The following RNF217 variants were observed in gnomAD, a reference collection of about 807,000 sequenced individuals.
RNF217 encodes ring finger protein 217.
A neutral mutation model predicts 57.8 loss-of-function variants in RNF217; 31 were observed. The observed-to-expected ratio is 0.54, with a 90% CI of 0.40 to 0.72. RNF217 has a LOEUF of 0.72. RNF217 is among the 30% of genes least tolerant of loss of function. The probability of loss-of-function intolerance (pLI) is 0.00; values close to 1 mark genes in which losing one functional copy is unlikely to be tolerated. For synonymous variants in RNF217, 313 were observed against 294.0 expected (o/e 1.06, Z -0.66); for missense variants, 696 against 708.3 (o/e 0.98, Z 0.20).
chr6:125,040,951 A>G (rs999067092), intron 1 of RNF217, among the ~76,000 whole-genome samples: 3 of 152,096 alleles, frequency 2.0e-5, no homozygotes, highest in African/African-American at 7.2e-5. Flanking sequence ...TCTCAAAATA[A>G]TAAGAGCTGT....
intron 2 of RNF217, among the ~76,000 whole-genome samples, chr6:125,046,986 T>C (rs527799953): frequency 6.6e-6 from 1 of 152,236 alleles, no homozygotes; most frequent in South Asian, 2.1e-4. Flanking sequence ...TACAGTGGTG[T>C]TGAAGGCTAA....
chr6:125,064,945 C>T (rs890392855), intron 3 of RNF217, among the ~76,000 whole-genome samples: 1 of 151,726 alleles, frequency 6.6e-6, no homozygotes, highest in Non-Finnish European at 1.5e-5. Flanking sequence ...TGAATATAAC[C>T]AATCTCATCA....
At position 125,058,036 on chromosome 6, in the gene RNF217, A is replaced by G; in HGVS notation, c.1211A>G (p.Lys404Arg). The G allele has an allele frequency of 6.2e-7, 1 of 1,613,596 alleles. No individual in the cohort carries two copies. Among genetic ancestry groups the G allele is most frequent in the Non-Finnish European group, 8.5e-7 (1 of 1,179,730 alleles). The change falls in exon 3 of 6, where the codon AAA (lysine) becomes AGA (arginine). Residue 404 changes from lysine (K) to arginine (R), a missense_variant. Around this residue, in one of 2 missense-constraint regions of RNF217, gnomAD observed 231 missense variants for 321.4 expected, o/e 0.72. Transcript: ENST00000521654. The part of the protein sequence containing the change: ...VNCKEYKKGD[K>R]LLRHWASEIE... The stretch of plus-strand genomic sequence containing the variant: ...TGCAAGGAGTACAAAAAAGGAGACA[A>G]ATTGTTGCGTCACTGGGCCAGCGAA...
chr6:125,041,344 C>T (rs779885272), intron 1 of RNF217, among the ~76,000 whole-genome samples: 7 of 152,084 alleles, frequency 4.6e-5, no homozygotes, highest in Non-Finnish European at 1.0e-4. Flanking sequence ...CCAGAATTCT[C>T]CCAACCTTCA....
intron 1 of RNF217, among the ~76,000 whole-genome samples, chr6:124,964,834 A>G (rs1783473174): frequency 1.3e-5 from 2 of 152,246 alleles, no homozygotes; most frequent in African/African-American, 4.8e-5. Context: ...TTTCCAAAAT[A>G]TAAGCCCGCC....
rs1010031192 is a variant in RNF217, at chr6:124,963,300, G to T, written c.756G>T (p.Gly252=). 1 of 1,535,898 alleles carries T rather than the reference G, an allele frequency of 6.5e-7. No homozygotes were observed. The highest frequency in any genetic ancestry group is 8.7e-7 in the Non-Finnish European group (1 of 1,146,808). The change falls in exon 1 of 6, where the codon GGG becomes GGT. Residue 252 remains glycine, a synonymous_variant. Coordinates refer to ENST00000521654, the MANE Select transcript of RNF217 (RefSeq NM_001286398.3). ...APPYSGLGGV[G]DPYVPLMVLM... is the part of the protein sequence containing the mutation. The stretch of plus-strand genomic sequence containing the variant: ...CCTACTCTGGCCTGGGCGGTGTAGG[G>T]GATCCCTATGTGCCCCTCATGGTGC...
chr6:125,047,371 A>G (rs1384654162), intron 2 of RNF217, among the ~76,000 whole-genome samples: 1 of 152,086 alleles, frequency 6.6e-6, no homozygotes, highest in Non-Finnish European at 1.5e-5. Context: ...CACCAAAATC[A>G]TGTTGTGATG....
At chr6:125,074,840 C>T (rs1344766186) in intron 3 of RNF217, among the ~76,000 whole-genome samples, 4 of 152,126 alleles carry the variant, frequency 2.6e-5, no homozygotes, top group Non-Finnish European at 5.9e-5. Flanking sequence ...AAGAGTCAAA[C>T]AACTACTGAA....
intron 1 of RNF217, among the ~76,000 whole-genome samples, chr6:124,993,033 G>A (rs1784620388): frequency 6.6e-6 from 1 of 152,056 alleles, no homozygotes; most frequent in Non-Finnish European, 1.5e-5. Flanking sequence ...GCCTATAGTA[G>A]TATTATTGGC....
At chr6:124,992,784 A>T in intron 1 of RNF217, among the ~76,000 whole-genome samples, 1 of 152,136 alleles carries the variant, frequency 6.6e-6, no homozygotes, top group East Asian at 1.9e-4. Context: ...AAGTAATTGG[A>T]TTACTTTAAT....
chr6:125,049,563 T>G (rs886627351), intron 2 of RNF217, among the ~76,000 whole-genome samples: 10 of 152,058 alleles, frequency 6.6e-5, no homozygotes, highest in Non-Finnish European at 1.5e-4. Flanking sequence ...CTCTGTCACC[T>G]TGAGTATCGT....
intron 1 of RNF217, among the ~76,000 whole-genome samples, chr6:124,978,557 T>C (rs1198978778): frequency 6.6e-6 from 1 of 152,002 alleles, no homozygotes; most frequent in Non-Finnish European, 1.5e-5. Flanking sequence ...ATGTTACAGC[T>C]CTTCAATCCC....
At position 125,089,796 on chromosome 6, in the gene RNF217, ATATTCT is replaced by A. The variant is rs1027440264; in HGVS notation, c.*6862_*6867del. 4 of 152,246 alleles carry A rather than the reference ATATTCT, an allele frequency of 2.6e-5. No individual in the cohort carries two copies. Among genetic ancestry groups the A allele is most frequent in the African/African-American group, 7.2e-5 (3 of 41,568 alleles). The allele number at this position is 152,246 out of a possible 1,614,324, so 9.4% of individuals were successfully genotyped here. On this transcript the variant is annotated 3_prime_UTR_variant, in exon 6 of 6. Transcript: ENST00000521654. ...ACTTCGCCATGCCCCAGCTTGGGAA[ATATTCT>A]TAGTAATCCAATCAAATCCTTAAAA... is the stretch of plus-strand genomic sequence containing the variant.
chr6:124,974,149 G>A (rs1783868658), intron 1 of RNF217, among the ~76,000 whole-genome samples: 1 of 152,206 alleles, frequency 6.6e-6, no homozygotes, highest in Non-Finnish European at 1.5e-5. Context: ...ACTTTGGTGA[G>A]GCAGTCATAA....
At chr6:125,012,304 A>G (rs551837140) in intron 1 of RNF217, among the ~76,000 whole-genome samples, 24 of 152,316 alleles carry the variant, frequency 1.6e-4, no homozygotes, top group Admixed American at 1.3e-3. Flanking sequence ...AACAGCTTAT[A>G]TGACAGAATT....
chr6:125,019,253 G>A (rs762422859), intron 1 of RNF217, among the ~76,000 whole-genome samples: 19 of 152,008 alleles, frequency 1.2e-4, no homozygotes, highest in Admixed American at 1.0e-3. Context: ...TTTTTCAATC[G>A]TAGCTATTTA....
At chr6:125,039,710 T>C (rs2114509754) in intron 1 of RNF217, among the ~76,000 whole-genome samples, 1 of 152,300 alleles carries the variant, frequency 6.6e-6, no homozygotes, top group South Asian at 2.1e-4. Context: ...AAAACACTCC[T>C]CAGCAAATGC....
At chr6:125,044,483 G>A (rs1187927659) in intron 1 of RNF217, among the ~76,000 whole-genome samples, 1 of 151,966 alleles carries the variant, frequency 6.6e-6, no homozygotes, top group Non-Finnish European at 1.5e-5. Flanking sequence ...GCGTTTTGAT[G>A]TATCCTCCCT....
At position 125,084,082 on chromosome 6, in the gene RNF217, G is replaced by A. The variant is rs1046498913; in HGVS notation, c.*1145G>A. 1 of 151,900 alleles carries A rather than the reference G, an allele frequency of 6.6e-6. No individual in the cohort carries two copies. 9.4% of individuals were successfully genotyped at this position (151,900 alleles called of 1,614,324 possible). A position where few individuals can be genotyped will look rare whatever the true frequency, so the allele number is the denominator to read the frequency against. On this transcript the variant is annotated 3_prime_UTR_variant, in exon 6 of 6. Transcript: ENST00000521654. ...TTACATCATTTAATATCCTAACCTT[G>A]TTATCTCTTGCCTCCTCCTCTCTGT...
Sources: allele counts gnomAD v4.1 joint callset (sites outside exome capture counted in the v4.1 genomes callset), GRCh38; gene constraint gnomAD v4.1.1; regional missense constraint gnomAD v4.1.1; transcripts MANE v1.5; gene names NCBI Gene and HGNC (gene_info 2026-07-23, HGNC 2026-07-21).